SKAP1: variants seen among roughly 807,000 people sequenced by gnomAD.
SKAP1 encodes src kinase associated phosphoprotein 1.
Under a neutral mutation model 58.5 loss-of-function variants are expected in SKAP1, and 44 were observed. The ratio of observed to expected loss-of-function variants is 0.75; its 90% CI spans 0.59 to 0.97. SKAP1 has a LOEUF of 0.97. Ranked by LOEUF, SKAP1 falls within the 50% of genes least tolerant of loss-of-function variation. The probability of loss-of-function intolerance (pLI) is 0.00; values close to 1 mark genes in which losing one functional copy is unlikely to be tolerated. For missense variants in SKAP1, 390 were observed against 435.2 expected, an observed-to-expected ratio of 0.90 and a Z score of 0.92; for synonymous variants, 127 against 149.7, an observed-to-expected ratio of 0.85 and a Z score of 1.11.
At chr17:48,298,708 A>G (rs1411670047) in intron 4 of SKAP1, among the ~76,000 whole-genome samples, 2 of 152,162 alleles carry the variant, frequency 1.3e-5, no homozygotes, top group Non-Finnish European at 2.9e-5. Context: ...AACTCCTTCT[A>G]TAAGGTAAAG....
intron 4 of SKAP1, among the ~76,000 whole-genome samples, chr17:48,290,493 C>T (rs1015194141): frequency 6.6e-6 from 1 of 152,184 alleles, no homozygotes; most frequent in African/African-American, 2.4e-5. Context: ...AGAACTTCCC[C>T]AGCCTCTTTT....
chr17:48,198,194 G>A (rs947345628), intron 4 of SKAP1, among the ~76,000 whole-genome samples: 21 of 152,028 alleles, frequency 1.4e-4, no homozygotes, highest in African/African-American at 4.8e-4. Flanking sequence ...GGTGGCTCAC[G>A]CCTGTAATCC....
intron 4 of SKAP1, among the ~76,000 whole-genome samples, chr17:48,274,427 T>G (rs753441590): frequency 2.0e-5 from 3 of 151,770 alleles, no homozygotes; most frequent in Non-Finnish European, 2.9e-5. Context: ...CCGGGCATGG[T>G]GGCTCACGCA....
chr17:48,405,043 C>T (rs568136662), intron 1 of SKAP1, among the ~76,000 whole-genome samples: 6 of 151,908 alleles, frequency 3.9e-5, no homozygotes, highest in Admixed American at 6.6e-5. Context: ...TGCTAAGTAA[C>T]GCACTAAAAT....
At chr17:48,137,496 T>C (rs1024840687) in intron 11 of SKAP1, among the ~76,000 whole-genome samples, 159 bp from the exon 12 acceptor site, 7 of 152,220 alleles carry the variant, frequency 4.6e-5, no homozygotes, top group African/African-American at 9.6e-5. Flanking sequence ...TTTAAAAAAA[T>C]CATCTAGAGG....
chr17:48,399,350 T>G (rs1167236115), intron 1 of SKAP1, among the ~76,000 whole-genome samples: 1 of 152,186 alleles, frequency 6.6e-6, no homozygotes, highest in Non-Finnish European at 1.5e-5. Flanking sequence ...AAGAAGCATT[T>G]AACAAAAGTC....
chr17:48,180,305 G>GA, intron 8 of SKAP1, 57 bp from the exon 9 acceptor site: 2 of 1,343,810 alleles, frequency 1.5e-6, no homozygotes, highest in Non-Finnish European at 2.0e-6. Flanking sequence ...AATAAGACAG[G>GA]AAAGGAAAGA....
intron 5 of SKAP1, among the ~76,000 whole-genome samples, chr17:48,188,706 GA>G (rs532374139): frequency 1.2e-4 from 17 of 143,404 alleles, no homozygotes; most frequent in East Asian, 2.1e-4. Context: ...AAGAAAGAAA[GA>G]AAAAAAAAAG....
intron 4 of SKAP1, among the ~76,000 whole-genome samples, chr17:48,250,269 A>G (rs1270586806): frequency 7.5e-6 from 1 of 133,288 alleles, no homozygotes; most frequent in East Asian, 2.1e-4. Context: ...GCTGCCATAG[A>G]CAGTTTTTTT....
At chr17:48,274,445 C>A (rs1268759637) in intron 4 of SKAP1, among the ~76,000 whole-genome samples, 3 of 151,814 alleles carry the variant, frequency 2.0e-5, no homozygotes, top group Non-Finnish European at 4.4e-5. Context: ...GCATGTAATC[C>A]CAGCACTTTG....
chr17:48,238,732 T>G (rs956099401), intron 4 of SKAP1, among the ~76,000 whole-genome samples: 14 of 152,180 alleles, frequency 9.2e-5, no homozygotes, highest in Non-Finnish European at 1.6e-4. Flanking sequence ...AGTAAAAAAT[T>G]GTAATAAGTG....
At chr17:48,380,148 T>C (rs935591708) in intron 2 of SKAP1, 1 of 152,262 alleles carries the variant, frequency 6.6e-6, no homozygotes, top group Non-Finnish European at 1.5e-5. Context: ...CCTCAGAGTT[T>C]CGATTACAAT....
At chr17:48,252,205 T>C (rs1230142261) in intron 4 of SKAP1, among the ~76,000 whole-genome samples, 2 of 150,834 alleles carry the variant, frequency 1.3e-5, no homozygotes, top group African/African-American at 4.9e-5. Flanking sequence ...GTAAATAATA[T>C]ATGTAAGCGA....
intron 3 of SKAP1, among the ~76,000 whole-genome samples, chr17:48,351,514 T>C (rs2066800815): frequency 6.6e-6 from 1 of 152,114 alleles, no homozygotes; most frequent in Admixed American, 6.6e-5. Context: ...GCAGTGAGTG[T>C]AATGGTACTG....
intron 4 of SKAP1, among the ~76,000 whole-genome samples, chr17:48,290,091 C>T (rs774305469): frequency 6.6e-6 from 1 of 152,062 alleles, no homozygotes; most frequent in Non-Finnish European, 1.5e-5. Flanking sequence ...GAGGCACATT[C>T]TCTATTTTAG....
At chr17:48,401,597 C>A in intron 1 of SKAP1, among the ~76,000 whole-genome samples, 1 of 151,884 alleles carries the variant, frequency 6.6e-6, no homozygotes, top group African/African-American at 2.4e-5. Flanking sequence ...GGATTCCTAC[C>A]TCACACCATA....
chr17:48,274,350 T>C (rs762169510), intron 4 of SKAP1, among the ~76,000 whole-genome samples: 3 of 151,696 alleles, frequency 2.0e-5, no homozygotes, highest in Admixed American at 6.6e-5. Context: ...GAGCAGAGAT[T>C]GCATCACTGC....
intron 4 of SKAP1, among the ~76,000 whole-genome samples, chr17:48,201,702 A>G (rs922172635): frequency 6.6e-6 from 1 of 152,188 alleles, no homozygotes; most frequent in African/African-American, 2.4e-5. Context: ...CGCCTGGCCA[A>G]GAAATAAATT....
intron 4 of SKAP1, among the ~76,000 whole-genome samples, chr17:48,269,839 A>T (rs758273211): frequency 6.6e-6 from 1 of 152,166 alleles, no homozygotes; most frequent in Admixed American, 6.5e-5. Flanking sequence ...CACGCTTGTA[A>T]TCCCAGCACT....
Sources: allele counts gnomAD v4.1 joint callset (sites outside exome capture counted in the v4.1 genomes callset), GRCh38; gene constraint gnomAD v4.1.1; transcripts MANE v1.5; gene names NCBI Gene and HGNC (gene_info 2026-07-23, HGNC 2026-07-21).